Variants in CTNND2 observed in about 807,000 individuals in gnomAD.
The protein encoded by CTNND2 is catenin delta-2.
A neutral mutation model predicts 144.4 loss-of-function variants in CTNND2; 22 were observed. That is an observed-to-expected ratio of 0.15 (90% CI 0.11 to 0.22). CTNND2 has a LOEUF of 0.22. CTNND2 is among the 10% of genes least tolerant of loss of function. The probability of loss-of-function intolerance (pLI) is 1.00; values close to 1 mark genes in which losing one functional copy is unlikely to be tolerated. For synonymous variants in CTNND2, 751 were observed against 695.6 expected (o/e 1.08, Z -1.25); for missense variants, 1,353 against 1,618.8 (o/e 0.84, Z 2.82).
At chr5:11,671,071 A>T (rs926477489) in intron 2 of CTNND2, among the ~76,000 whole-genome samples, 1 of 152,164 alleles carries the variant, frequency 6.6e-6, no homozygotes, top group Admixed American at 6.5e-5. Flanking sequence ...CTGGTTTGAA[A>T]ATTCTTTTCT....
chr5:11,506,065 C>A lies in CTNND2; in HGVS notation c.287+58879G>T, dbSNP rs530592008. On this transcript the variant is annotated intron_variant, in intron 3 of 21. Coordinates refer to ENST00000304623, the MANE Select transcript of CTNND2 (RefSeq NM_001332.4). ...GGTGTCTGTGTGCATGGTGTCACAG[C>A]TCGGGACACTGCACTTGGCCACTGA... is the stretch of plus-strand genomic sequence containing the variant. 2.6e-5 allele frequency among the ~76,000 whole-genome samples: 4 copies of A among 152,238 alleles called. No individual in the cohort carries two copies. In the East Asian group the frequency reaches 7.7e-4, roughly 29 times the overall value.
At chr5:11,512,638 T>C (rs941348262) in intron 3 of CTNND2, among the ~76,000 whole-genome samples, 7 of 152,240 alleles carry the variant, frequency 4.6e-5, no homozygotes, top group Admixed American at 4.6e-4. Flanking sequence ...AACTCTTCTC[T>C]GCCTTCCATC....
chr5:11,804,315 A>G (rs1791878681), intron 1 of CTNND2, among the ~76,000 whole-genome samples: 1 of 152,204 alleles, frequency 6.6e-6, no homozygotes, highest in Non-Finnish European at 1.5e-5. Context: ...ATACAACTAA[A>G]TATAGCCTTA....
At chr5:11,784,918 A>G (rs934253026) in intron 1 of CTNND2, among the ~76,000 whole-genome samples, 3 of 152,166 alleles carry the variant, frequency 2.0e-5, no homozygotes, top group African/African-American at 7.2e-5. Flanking sequence ...GACCTTTGGA[A>G]ATTGTGAGTT....
intron 9 of CTNND2, among the ~76,000 whole-genome samples, chr5:11,303,576 G>A (rs1749829615): frequency 1.3e-5 from 2 of 152,178 alleles, no homozygotes; most frequent in Non-Finnish European, 2.9e-5. Flanking sequence ...ATGAATGTAG[G>A]CCATCAGTAT....
At chr5:11,887,179 T>C (rs550977828) in intron 1 of CTNND2, among the ~76,000 whole-genome samples, 2 of 152,080 alleles carry the variant, frequency 1.3e-5, no homozygotes, top group South Asian at 2.1e-4. Flanking sequence ...GAGATGGGGT[T>C]TAACCATGTT....
At chr5:11,339,318 T>C (rs1342136598) in intron 9 of CTNND2, among the ~76,000 whole-genome samples, 2 of 151,940 alleles carry the variant, frequency 1.3e-5, no homozygotes, top group African/African-American at 4.8e-5. Flanking sequence ...GCTTTCAAAG[T>C]TGTGTGAGAG....
chr5:11,405,923 C>A (rs1347851589), intron 5 of CTNND2, among the ~76,000 whole-genome samples: 1 of 152,068 alleles, frequency 6.6e-6, no homozygotes, highest in Admixed American at 6.5e-5. Context: ...CCAAGGTGGG[C>A]GGATCACTGG....
intron 9 of CTNND2, among the ~76,000 whole-genome samples, chr5:11,240,380 AT>A (rs1488565606): frequency 4.8e-5 from 1 of 20,802 alleles, no homozygotes. Context: ...CAACACACAC[AT>A]ACACTCACAC....
chr5:11,183,778 C>T (rs1183672124), intron 11 of CTNND2, among the ~76,000 whole-genome samples: 2 of 151,928 alleles, frequency 1.3e-5, no homozygotes, highest in Non-Finnish European at 2.9e-5. Context: ...AGGCTGGTCT[C>T]GAACCCCTGA....
chr5:11,159,530 G>A, intron 12 of CTNND2, 46 bp downstream of exon 12: 1 of 1,489,796 alleles, frequency 6.7e-7, no homozygotes, highest in Non-Finnish European at 9.1e-7. Context: ...ACAGTGTCTG[G>A]CCAGGGGAAG....
chr5:11,869,974 G>A (rs895079702), intron 1 of CTNND2, among the ~76,000 whole-genome samples: 3 of 152,236 alleles, frequency 2.0e-5, no homozygotes, highest in Admixed American at 2.0e-4. Flanking sequence ...TCTGCACCTT[G>A]AGAATATTAG....
chr5:11,060,953 TTAAC>T (rs1388523835), intron 16 of CTNND2, among the ~76,000 whole-genome samples: 1 of 150,402 alleles, frequency 6.6e-6, no homozygotes, highest in Non-Finnish European at 1.5e-5. Context: ...GACCATGACT[TTAAC>T]TATCTTTTTT....
chr5:11,434,142 G>A (rs1763549002), intron 3 of CTNND2, among the ~76,000 whole-genome samples: 1 of 152,220 alleles, frequency 6.6e-6, no homozygotes. Context: ...ACTCAGCAAT[G>A]TACAGGATGG....
intron 3 of CTNND2, among the ~76,000 whole-genome samples, chr5:11,564,175 C>T (rs1776895057): frequency 6.6e-6 from 1 of 152,176 alleles, no homozygotes; most frequent in Non-Finnish European, 1.5e-5. Context: ...CTGCAGTATT[C>T]ACTGCAGTTT....
chr5:11,226,725 G>A (rs967434753), intron 10 of CTNND2, among the ~76,000 whole-genome samples: 1 of 152,164 alleles, frequency 6.6e-6, no homozygotes, highest in Non-Finnish European at 1.5e-5. Flanking sequence ...CATGACATGT[G>A]GGAATTATGG....
At chr5:11,310,709 C>T (rs1271247236) in intron 9 of CTNND2, among the ~76,000 whole-genome samples, 1 of 151,784 alleles carries the variant, frequency 6.6e-6, no homozygotes, top group Non-Finnish European at 1.5e-5. Flanking sequence ...CTCTCATGTT[C>T]CTCCTCCCTG....
chr5:11,390,319 G>A (rs528439801), intron 6 of CTNND2, among the ~76,000 whole-genome samples: 1 of 152,316 alleles, frequency 6.6e-6, no homozygotes, highest in East Asian at 1.9e-4. Context: ...AAGCACATTT[G>A]CTTCCAGATT....
chr5:11,879,014 C>T (rs1282560246), intron 1 of CTNND2, among the ~76,000 whole-genome samples: 1 of 152,134 alleles, frequency 6.6e-6, no homozygotes, highest in Non-Finnish European at 1.5e-5. Context: ...CTCCAGCCGC[C>T]CCACATGGCA....
Sources: gnomAD v4.1 joint callset for allele counts (sites outside exome capture counted in the v4.1 genomes callset) on GRCh38, gnomAD v4.1.1 for gene constraint, MANE v1.5 for transcripts, NCBI Gene and HGNC (gene_info 2026-07-23, HGNC 2026-07-21) for gene names.